The following ADGRG2 variants were observed in gnomAD, a reference collection of about 807,000 sequenced individuals.
ADGRG2 encodes the protein G protein-coupled receptor 64.
A neutral mutation model predicts 74.1 loss-of-function variants in ADGRG2; 26 were observed. The observed-to-expected ratio is 0.35, with a 90% CI of 0.26 to 0.49. The LOEUF (loss-of-function observed/expected upper bound fraction) is 0.49. ADGRG2 is among the 20% of genes least tolerant of loss of function. The pLI is 0.99. For synonymous variants in ADGRG2, 296 were observed against 295.2 expected, an observed-to-expected ratio of 1.00 and a Z score of -0.03; for missense variants, 619 against 763.1, an observed-to-expected ratio of 0.81 and a Z score of 2.22.
chrX:19,091,155 G>C, intron 1 of ADGRG2, among the ~76,000 whole-genome samples: 1 of 111,675 alleles, frequency 9.0e-6, no homozygotes. Context: ...GGCAAGGAGA[G>C]GACAGTGAAA....
At chrX:19,102,350 G>C (rs1303036014) in intron 1 of ADGRG2, among the ~76,000 whole-genome samples, 4 of 110,300 alleles carry the variant, frequency 3.6e-5, no homozygotes, top group Non-Finnish European at 1.9e-5. Flanking sequence ...GACTAGGACA[G>C]GCCTTGGCAA....
At chrX:19,104,520 ACCCCATGGGGCT>A (rs1482306039) in intron 1 of ADGRG2, among the ~76,000 whole-genome samples, 1 of 111,518 alleles carries the variant, frequency 9.0e-6, no homozygotes. Flanking sequence ...CTCAGAAGAA[ACCCCATGGGGCT>A]CCCCCTTTTT....
Position 18,989,668 on chromosome X carries a change from T to C in ADGRG2, c.*1196A>G, listed in dbSNP as rs754900219. On this transcript the variant is annotated 3_prime_UTR_variant, in exon 29 of 29. Transcript: ENST00000379869. Reference sequence around the variant, plus strand: ...GTGTAGGACAGTTCCCTGTTCCCAATAGCTACTCCCCTTGTCACTGTGCAT... The same window carrying C: ...GTGTAGGACAGTTCCCTGTTCCCAACAGCTACTCCCCTTGTCACTGTGCAT... 1 of 112,176 alleles carries C rather than the reference T, an allele frequency of 8.9e-6. No individual in the cohort carries two copies. The highest frequency in any genetic ancestry group is 1.9e-5 in the Non-Finnish European group (1 of 53,245). The allele number at this position is 112,176 out of a possible 1,213,427, so 9.2% of individuals were successfully genotyped here.
At chrX:19,097,738 C>T (rs1045707770) in intron 1 of ADGRG2, among the ~76,000 whole-genome samples, 1 of 111,428 alleles carries the variant, frequency 9.0e-6, no homozygotes, top group Non-Finnish European at 1.9e-5. Context: ...CGAGGGTGAG[C>T]GTACTCTGCT....
chrX:19,069,218 A>C (rs1437374924), intron 2 of ADGRG2, among the ~76,000 whole-genome samples: 2 of 111,945 alleles, frequency 1.8e-5, no homozygotes, highest in Non-Finnish European at 3.8e-5. Context: ...TTTTTTAAAG[A>C]GATAGGGTCT....
At chrX:19,039,815 A>T (rs2061018598) in intron 4 of ADGRG2, among the ~76,000 whole-genome samples, 1 of 112,201 alleles carries the variant, frequency 8.9e-6, no homozygotes, top group Non-Finnish European at 1.9e-5. Context: ...GTGTATATTT[A>T]AGTGAACATC....
chrX:18,995,041 A>C lies in ADGRG2; in HGVS notation c.2724T>G (p.Ser908Arg), dbSNP rs1437115617. Residue 908 changes from serine to arginine, a missense_variant, in exon 28 of 29, where the codon AGT (serine) becomes AGG (arginine). Transcript: ENST00000379869. ...TCTTTAAACCATTAGTAGCAGTTTT[A>C]CTCCAGTCTACAGCAGAATAAGCAT... Reference protein sequence around the residue: ...KLRLAENSDWSKTATNGLKKQ... With the variant: ...KLRLAENSDWRKTATNGLKKQ... 8.4e-7 allele frequency: 1 copy of C among 1,191,995 alleles called. No individual in the cohort carries two copies. Among genetic ancestry groups the C allele is most frequent in the Non-Finnish European group, 1.1e-6 (1 of 882,552 alleles).
At chrX:19,044,069 G>A (rs1335812658) in intron 3 of ADGRG2, among the ~76,000 whole-genome samples, 2 of 111,802 alleles carry the variant, frequency 1.8e-5, no homozygotes, top group Non-Finnish European at 3.8e-5. Context: ...CATGTCAGAC[G>A]TCCAGTAGGA....
chrX:19,008,814 G>A (rs1214699178), intron 18 of ADGRG2, among the ~76,000 whole-genome samples: 1 of 112,038 alleles, frequency 8.9e-6, no homozygotes, highest in Non-Finnish European at 1.9e-5. Context: ...CCAAGTTAGT[G>A]ACCAGTTAGA....
At chrX:19,096,836 C>A (rs761541545) in intron 1 of ADGRG2, among the ~76,000 whole-genome samples, 1 of 112,613 alleles carries the variant, frequency 8.9e-6, no homozygotes, top group South Asian at 3.7e-4. Context: ...TCCTAAAATT[C>A]TTATGAGTAA....
chrX:19,078,124 A>G (rs915167417), intron 2 of ADGRG2, among the ~76,000 whole-genome samples: 14 of 112,610 alleles, frequency 1.2e-4, no homozygotes, highest in Non-Finnish European at 2.2e-4. Context: ...AAAAGTCTCA[A>G]AAGCTTTTTA....
chrX:19,075,917 C>T (rs1348323519), intron 2 of ADGRG2, among the ~76,000 whole-genome samples: 2 of 112,216 alleles, frequency 1.8e-5, no homozygotes, highest in African/African-American at 3.2e-5. Context: ...GACATAAGAA[C>T]TGAGATGAAA....
intron 1 of ADGRG2, among the ~76,000 whole-genome samples, chrX:19,102,513 G>A (rs1164000669): frequency 1.8e-5 from 2 of 108,698 alleles, no homozygotes; most frequent in African/African-American, 3.4e-5. Flanking sequence ...GAGGCCCATC[G>A]ACCAGGTTCT....
intron 1 of ADGRG2, among the ~76,000 whole-genome samples, chrX:19,101,101 T>TTGTGTG (rs10579733): frequency 0.014 from 1,266 of 89,827 alleles, 18 homozygotes; most frequent in African/African-American, 0.036. Context: ...AATCATGAGA[T>TTGTGTG]TGTGTGTGTG....
intron 1 of ADGRG2, among the ~76,000 whole-genome samples, chrX:19,119,988 G>T (rs1371699662): frequency 9.0e-6 from 1 of 111,703 alleles, no homozygotes; most frequent in African/African-American, 3.3e-5. Flanking sequence ...CACACACCTG[G>T]AATCTGTGTT....
intron 3 of ADGRG2, among the ~76,000 whole-genome samples, chrX:19,065,772 C>T (rs2061559089): frequency 9.0e-6 from 1 of 111,671 alleles, no homozygotes; most frequent in South Asian, 3.8e-4. Context: ...AAAGTGGGGA[C>T]TCTTGAGTTT....
intron 3 of ADGRG2, among the ~76,000 whole-genome samples, chrX:19,068,383 T>C (rs1294787293): frequency 9.0e-6 from 1 of 111,086 alleles, no homozygotes; most frequent in African/African-American, 3.3e-5. Flanking sequence ...TATTGTATGA[T>C]TCCACTTATC....
chrX:19,001,222 G>A (rs1383210511), intron 24 of ADGRG2, among the ~76,000 whole-genome samples: 2 of 110,611 alleles, frequency 1.8e-5, no homozygotes, highest in Admixed American at 1.9e-4. Flanking sequence ...GAGAGCCCAC[G>A]GACACTTCCC....
At chrX:19,036,616 AACACACAC>A (rs534574581) in intron 6 of ADGRG2, among the ~76,000 whole-genome samples, 30 of 94,696 alleles carry the variant, frequency 3.2e-4, no homozygotes, top group Admixed American at 8.5e-4. Context: ...TCATACTTAA[AACACACAC>A]ACACACACAC....
Sources: allele counts gnomAD v4.1 joint callset (sites outside exome capture counted in the v4.1 genomes callset), GRCh38; gene constraint gnomAD v4.1.1; transcripts MANE v1.5; gene names NCBI Gene and HGNC (gene_info 2026-07-23, HGNC 2026-07-21).